Variants in GALNT10 observed in about 807,000 individuals in gnomAD.
GALNT10 encodes polypeptide N-acetylgalactosaminyltransferase 10.
In GALNT10, 41 loss-of-function variants were observed where a neutral mutation model predicts 75.0. The observed-to-expected ratio is 0.55, with a 90% CI of 0.43 to 0.71. The LOEUF is 0.71. Among genes scored for constraint, GALNT10 ranks in the 30% least tolerant of loss-of-function variants. The pLI is 0.00. For missense variants in GALNT10, 727 were observed against 818.5 expected, an observed-to-expected ratio of 0.89 and a Z score of 1.36; for synonymous variants, 302 against 313.0, an observed-to-expected ratio of 0.96 and a Z score of 0.37.
At chr5:154,363,955 G>C (rs1289810429) in intron 4 of GALNT10, among the ~76,000 whole-genome samples, 1 of 152,170 alleles carries the variant, frequency 6.6e-6, no homozygotes, top group African/African-American at 2.4e-5. Flanking sequence ...GAACATCTGT[G>C]TGCCCCTACA....
chr5:154,349,132 A>G (rs13360131), intron 4 of GALNT10, among the ~76,000 whole-genome samples: 2,065 of 152,220 alleles, frequency 0.014, 44 homozygotes, highest in African/African-American at 0.048. Flanking sequence ...AAAAATAATC[A>G]GGAAAGGCTT....
At chr5:154,390,449 A>G (rs188259513) in intron 7 of GALNT10, among the ~76,000 whole-genome samples, 200 of 152,362 alleles carry the variant, frequency 1.3e-3, no homozygotes, top group African/African-American at 4.6e-3. Context: ...TTCACCACCT[A>G]TGTATAAACT....
At chr5:154,237,513 G>A (rs1320435379) in intron 1 of GALNT10, among the ~76,000 whole-genome samples, 1 of 152,198 alleles carries the variant, frequency 6.6e-6, no homozygotes, top group African/African-American at 2.4e-5. Context: ...GAGGATGCAA[G>A]TCCTGACTCG....
At chr5:154,270,493 C>T (rs1386990973) in intron 1 of GALNT10, among the ~76,000 whole-genome samples, 1 of 151,936 alleles carries the variant, frequency 6.6e-6, no homozygotes, top group Non-Finnish European at 1.5e-5. Flanking sequence ...CCTGGTTGAA[C>T]AACATGAGAC....
Position 154,248,831 on chromosome 5 carries a change from G to A in GALNT10, c.160-45985G>A, listed in dbSNP as rs145463923. Among the ~76,000 whole-genome samples, 4 of 152,338 alleles carry A rather than the reference G, an allele frequency of 2.6e-5. No individual in the cohort carries two copies. In the East Asian group the frequency reaches 7.7e-4, roughly 29 times the overall value. ...CTGGCTTAGGCCACTGAGGGAATGAGGGCATTTTTCTTTCATGCTGGTCAT... is the reference window on the plus strand; with the variant it reads ...CTGGCTTAGGCCACTGAGGGAATGAAGGCATTTTTCTTTCATGCTGGTCAT... On this transcript the variant is annotated intron_variant, in intron 1 of 11. Coordinates refer to ENST00000297107, the MANE Select transcript of GALNT10 (RefSeq NM_198321.4).
chr5:154,293,625 C>CTTTTTTTTTTTTT (rs1320287927), intron 1 of GALNT10, among the ~76,000 whole-genome samples: 8 of 128,044 alleles, frequency 6.2e-5, no homozygotes, highest in Non-Finnish European at 1.0e-4. Context: ...TTTTTTTTTC[C>CTTTTTTTTTTTTT]TTTCAGCCAT....
chr5:154,390,035 A>G (rs568945869), intron 7 of GALNT10, among the ~76,000 whole-genome samples: 20 of 152,294 alleles, frequency 1.3e-4, no homozygotes, highest in African/African-American at 4.1e-4. Context: ...AAAATTACCA[A>G]CCTTCCTAAA....
At position 154,191,000 on chromosome 5, in the gene GALNT10, C is replaced by A. The variant is rs1252595960; in HGVS notation, c.134C>A (p.Ala45Glu). The change falls in exon 1 of 12, where the codon GCG becomes GAG. Residue 45 changes from alanine to glutamate, a missense_variant. Ala to Glu is a moderately radical substitution (Grantham distance 107). Coordinates refer to ENST00000297107, the MANE Select transcript of GALNT10 (RefSeq NM_198321.4). ...GACGGCACCCCTGGGGGATCGGGGG[C>A]GGCGGTGGCGCCGGCGGCGGGACAG... ...QPDGTPGGSG[A>E]AVAPAAGQGS... 7 of 1,482,732 alleles carry A rather than the reference C, an allele frequency of 4.7e-6. No individual in the cohort carries two copies. Among genetic ancestry groups the A allele is most frequent in the African/African-American group, 2.9e-5 (2 of 69,772 alleles). 91.8% of individuals were successfully genotyped at this position (1,482,732 alleles called of 1,614,324 possible). A position where few individuals can be genotyped will look rare whatever the true frequency, so the allele number is the denominator to read the frequency against.
chr5:154,342,308 GA>G (rs1199993284), intron 4 of GALNT10, among the ~76,000 whole-genome samples: 1 of 152,196 alleles, frequency 6.6e-6, no homozygotes, highest in Admixed American at 6.5e-5. Flanking sequence ...TGGTGGCCGA[GA>G]AAAATGTGAC....
At chr5:154,334,194 G>A (rs1404461690) in intron 4 of GALNT10, among the ~76,000 whole-genome samples, 3 of 152,208 alleles carry the variant, frequency 2.0e-5, no homozygotes, top group Admixed American at 6.5e-5. Context: ...GCTAAGGGTC[G>A]AGACCTCAGG....
At chr5:154,241,379 C>A (rs1035299836) in intron 1 of GALNT10, among the ~76,000 whole-genome samples, 1 of 152,134 alleles carries the variant, frequency 6.6e-6, no homozygotes, top group Non-Finnish European at 1.5e-5. Context: ...ATAGAAAGTT[C>A]ACGAAATGCA....
chr5:154,353,403 T>C (rs1393447024), intron 4 of GALNT10, among the ~76,000 whole-genome samples: 3 of 151,168 alleles, frequency 2.0e-5, no homozygotes, highest in Non-Finnish European at 4.4e-5. Context: ...CCCAGAGGAG[T>C]GGAGCAAAGC....
In GALNT10 at chr5:154,420,884, TCTC is replaced by T. The variant is rs1402290098; in HGVS notation, c.*3918_*3920del. ...GGCCAAAAGCTCAAGACCACCAGCC[TCTC>T]CTCCTGCCTGGAAAAATAAGCCTTT... is the stretch of plus-strand genomic sequence containing the variant. On this transcript the variant is annotated 3_prime_UTR_variant, in exon 12 of 12. Coordinates refer to ENST00000297107, the MANE Select transcript of GALNT10 (RefSeq NM_198321.4). The T allele has an allele frequency of 6.6e-6, 1 of 152,192 alleles. No homozygotes were observed. 9.4% of individuals were successfully genotyped at this position (152,192 alleles called of 1,614,324 possible).
chr5:154,245,731 G>A (rs1308644757), intron 1 of GALNT10, among the ~76,000 whole-genome samples: 6 of 151,604 alleles, frequency 4.0e-5, no homozygotes, highest in African/African-American at 1.2e-4. Context: ...TATTATGGAC[G>A]TCAATAAACA....
intron 1 of GALNT10, among the ~76,000 whole-genome samples, chr5:154,276,959 C>G (rs552977408): frequency 7.9e-5 from 12 of 152,278 alleles, no homozygotes; most frequent in Admixed American, 6.5e-4. Flanking sequence ...CCTTAGCTTG[C>G]AAACACAGAA....
At chr5:154,408,464 G>A (rs982486813) in intron 8 of GALNT10, among the ~76,000 whole-genome samples, 5 of 152,140 alleles carry the variant, frequency 3.3e-5, no homozygotes, top group African/African-American at 4.8e-5. Flanking sequence ...CCTGAACCCT[G>A]AAGTTTTGCT....
intron 1 of GALNT10, among the ~76,000 whole-genome samples, chr5:154,291,180 C>G (rs1377713732): frequency 6.6e-6 from 1 of 152,146 alleles, no homozygotes; most frequent in Non-Finnish European, 1.5e-5. Flanking sequence ...GAACATGATT[C>G]TAGGGGTTTA....
chr5:154,381,716 A>G (rs993687700), intron 6 of GALNT10, among the ~76,000 whole-genome samples: 3 of 152,198 alleles, frequency 2.0e-5, no homozygotes, highest in Non-Finnish European at 2.9e-5. Flanking sequence ...GAGGATGCTT[A>G]CATTCCTTGG....
Position 154,409,400 on chromosome 5 carries a change from TA to T in GALNT10, c.1165-138del, listed in dbSNP as rs1252444075. 3 of 742,668 alleles carry T rather than the reference TA, an allele frequency of 4.0e-6. No homozygotes were observed. In the South Asian group the frequency reaches 4.4e-5, roughly 11 times the overall value. 46.0% of individuals were successfully genotyped at this position (742,668 alleles called of 1,614,324 possible). A position where few individuals can be genotyped will look rare whatever the true frequency, so the allele number is the denominator to read the frequency against. ...ATGATAAATAGAAACACAGAAGGCCTAAACTCACGGTGGGGCTGGGATTTTT... is the reference window on the plus strand; with the variant it reads ...ATGATAAATAGAAACACAGAAGGCCTAACTCACGGTGGGGCTGGGATTTTT... On this transcript the variant is annotated intron_variant, in intron 8 of 11. Transcript: ENST00000297107. The surrounding 1 kb of genome is among the most constrained non-coding windows in gnomAD (Gnocchi z 4.5).
Sources: allele counts gnomAD v4.1 joint callset (sites outside exome capture counted in the v4.1 genomes callset), GRCh38; gene constraint gnomAD v4.1.1; non-coding constraint Gnocchi (gnomAD v3.1); transcripts MANE v1.5; gene names NCBI Gene and HGNC (gene_info 2026-07-23, HGNC 2026-07-21).